TMC1: variants seen among roughly 807,000 people sequenced by gnomAD.
TMC1 encodes transmembrane channel like 1, also known as transmembrane channel-like protein 1.
Under a neutral mutation model 105.8 loss-of-function variants are expected in TMC1, and 84 were observed. The ratio of observed to expected loss-of-function variants is 0.79; its 90% CI spans 0.67 to 0.95. The LOEUF (loss-of-function observed/expected upper bound fraction) is 0.95, where lower values mean the gene tolerates loss of function less well. TMC1 is among the 40% of genes least tolerant of loss of function. The probability of loss-of-function intolerance (pLI) is 0.00; values close to 1 mark genes in which losing one functional copy is unlikely to be tolerated. For missense variants in TMC1, 817 were observed against 914.1 expected, an observed-to-expected ratio of 0.89 and a Z score of 1.37; for synonymous variants, 315 against 311.5, an observed-to-expected ratio of 1.01 and a Z score of -0.12.
intron 1 of TMC1, among the ~76,000 whole-genome samples, chr9:72,535,683 T>C (rs781235722): frequency 6.6e-6 from 1 of 152,102 alleles, no homozygotes; most frequent in Non-Finnish European, 1.5e-5. Flanking sequence ...AGAAAAGAGG[T>C]TGATTTGGCT....
intron 2 of TMC1, among the ~76,000 whole-genome samples, chr9:72,591,041 C>A (rs1379319875): frequency 6.6e-6 from 1 of 152,238 alleles, no homozygotes; most frequent in East Asian, 1.9e-4. Flanking sequence ...AACAGTGGTG[C>A]AAGACTCTAA....
intron 5 of TMC1, among the ~76,000 whole-genome samples, chr9:72,657,006 A>C (rs1025803072): frequency 6.6e-6 from 1 of 152,170 alleles, no homozygotes; most frequent in African/African-American, 2.4e-5. Context: ...ACTGTTCTGC[A>C]TACTCTTTTC....
In TMC1 at chr9:72,767,112, G is replaced by A. The variant is rs938510279; in HGVS notation, c.742-5301G>A. ...TCTTTCATCCACACTTGAAACCTTC[G>A]TTCATGCTAAGGTGTAAATAACCAG... On this transcript the variant is annotated intron_variant, in intron 12 of 23. Coordinates refer to ENST00000297784, the MANE Select transcript of TMC1 (RefSeq NM_138691.3). 5.3e-5 allele frequency among the ~76,000 whole-genome samples: 8 copies of A among 152,168 alleles called. No homozygotes were observed. The South Asian group carries it at 8.3e-4, about 16-fold the overall frequency.
At position 72,754,840 on chromosome 9, in the gene TMC1, G is replaced by A. The variant is rs373537563; in HGVS notation, c.697G>A (p.Glu233Lys). ...ACCTAGGAAAACCGTTCCCAGAGCCGAAGAGGCATCGGCAGCAAACTTTGG... is the reference window on the plus strand; with the variant it reads ...ACCTAGGAAAACCGTTCCCAGAGCCAAAGAGGCATCGGCAGCAAACTTTGG... ...SLPRKTVPRA[E>K]EASAANFGVL... The change falls in exon 12 of 24, where the codon GAA becomes AAA. Residue 233 changes from glutamate (E) to lysine (K), a missense_variant. By Grantham distance (56) the Glu-to-Lys change is moderately conservative. Coordinates refer to ENST00000297784, the MANE Select transcript of TMC1 (RefSeq NM_138691.3). The A allele has an allele frequency of 2.4e-5, 39 of 1,614,002 alleles. No individual in the cohort carries two copies. The highest frequency in any genetic ancestry group is 3.1e-5 in the Non-Finnish European group (36 of 1,179,990).
intron 19 of TMC1, among the ~76,000 whole-genome samples, chr9:72,820,558 GTAGTT>G: frequency 6.6e-6 from 1 of 152,302 alleles, no homozygotes; most frequent in Non-Finnish European, 1.5e-5. Context: ...TTACTCTGTT[GTAGTT>G]TAAATTCACT....
At chr9:72,646,682 G>A (rs1825717287) in intron 4 of TMC1, among the ~76,000 whole-genome samples, 1 of 151,318 alleles carries the variant, frequency 6.6e-6, no homozygotes, top group South Asian at 2.1e-4. Context: ...CCTGCAGACT[G>A]GAGTGCAGTG....
intron 10 of TMC1, among the ~76,000 whole-genome samples, chr9:72,743,566 C>CAA (rs386415092): frequency 0.19 from 19,539 of 101,448 alleles, 2,204 homozygotes; most frequent in African/African-American, 0.34. Flanking sequence ...GACTCTGTTT[C>CAA]AAAAAAAAAA....
intron 3 of TMC1, among the ~76,000 whole-genome samples, chr9:72,625,457 G>A (rs1825330595): frequency 6.6e-6 from 1 of 152,008 alleles, no homozygotes; most frequent in South Asian, 2.1e-4. Context: ...GGGAGGCCGA[G>A]GCAGGTGGAT....
At chr9:72,811,507 G>A (rs1485952528) in intron 18 of TMC1, among the ~76,000 whole-genome samples, 2 of 151,950 alleles carry the variant, frequency 1.3e-5, no homozygotes, top group African/African-American at 2.4e-5. Context: ...GTAAACTTTG[G>A]GTTTTCTTTG....
At chr9:72,587,639 A>G (rs754532060) in intron 2 of TMC1, among the ~76,000 whole-genome samples, 4 of 152,170 alleles carry the variant, frequency 2.6e-5, no homozygotes, top group Non-Finnish European at 5.9e-5. Flanking sequence ...GGGGGAAGGA[A>G]ATTTGTTGGA....
chr9:72,820,044 A>G (rs1207105858), intron 19 of TMC1, among the ~76,000 whole-genome samples: 3 of 152,196 alleles, frequency 2.0e-5, no homozygotes, highest in East Asian at 3.8e-4. Context: ...GCTTATAAAA[A>G]CTCAGATGCA....
At chr9:72,826,451 A>C (rs1459528715) in intron 20 of TMC1, among the ~76,000 whole-genome samples, 2 of 152,204 alleles carry the variant, frequency 1.3e-5, no homozygotes, top group Non-Finnish European at 2.9e-5. Context: ...TTATATGTGG[A>C]TTTTATTCCA....
At chr9:72,815,516 A>G (rs926642306) in intron 18 of TMC1, among the ~76,000 whole-genome samples, 1 of 152,236 alleles carries the variant, frequency 6.6e-6, no homozygotes, top group African/African-American at 2.4e-5. Flanking sequence ...CCGCATATAA[A>G]GTATGACTAT....
chr9:72,760,524 G>T lies in TMC1; in HGVS notation c.741+5640G>T, dbSNP rs75932132. On this transcript the variant is annotated intron_variant, in intron 12 of 23. Transcript: ENST00000297784. ...TATCATTATCTAGGTAGAGTTTGGG[G>T]TGTGTGTGACCTCAATATGAAAACA... Among the ~76,000 whole-genome samples, 158 of 152,140 alleles carry T rather than the reference G, an allele frequency of 1.0e-3. 1 individual carries two copies. The highest frequency in any genetic ancestry group is 1.4e-3 in the Non-Finnish European group (98 of 67,976).
Position 72,532,442 on chromosome 9 carries a change from GAGGC to G in TMC1, c.-428+10533_-428+10536del, listed in dbSNP as rs1262860451. 6.6e-5 allele frequency among the ~76,000 whole-genome samples: 10 copies of G among 151,540 alleles called. No homozygotes were observed. The East Asian group carries it at 2.0e-3, about 30-fold the overall frequency. On this transcript the variant is annotated intron_variant, in intron 1 of 23. Transcript: ENST00000297784. ...TGCAATCCCAGCTACTCAGGAGGCTGAGGCAGGAGAATCGCTTGAATCTGGGAGG... is the reference window on the plus strand; with the variant it reads ...TGCAATCCCAGCTACTCAGGAGGCTGAGGAGAATCGCTTGAATCTGGGAGG...
intron 4 of TMC1, among the ~76,000 whole-genome samples, chr9:72,643,742 G>A (rs375182591): frequency 6.6e-6 from 1 of 152,176 alleles, no homozygotes. Flanking sequence ...AAAGATTCAT[G>A]TGGAAGTCTG....
intron 13 of TMC1, among the ~76,000 whole-genome samples, chr9:72,776,892 C>T (rs981521737): frequency 3.3e-5 from 5 of 152,018 alleles, no homozygotes; most frequent in Admixed American, 6.5e-5. Flanking sequence ...GTCTCTGTCT[C>T]GTCCTGGGTA....
chr9:72,672,822 C>T (rs1419401884), intron 5 of TMC1, among the ~76,000 whole-genome samples: 1 of 114,622 alleles, frequency 8.7e-6, no homozygotes, highest in African/African-American at 3.7e-5. Context: ...CAAGCCTGGG[C>T]AACACACACA....
intron 1 of TMC1, among the ~76,000 whole-genome samples, chr9:72,555,965 G>GA (rs1458094638): frequency 4.6e-4 from 27 of 58,696 alleles, no homozygotes; most frequent in African/African-American, 1.8e-3. Context: ...ACCAATCTAT[G>GA]ACTAAGGCAA....
Sources: allele counts gnomAD v4.1 joint callset (sites outside exome capture counted in the v4.1 genomes callset), GRCh38; gene constraint gnomAD v4.1.1; transcripts MANE v1.5; gene names NCBI Gene and HGNC (gene_info 2026-07-23, HGNC 2026-07-21).